Variants in RSPO4 observed in about 807,000 individuals in gnomAD.
RSPO4 encodes R-spondin 4.
In RSPO4, 23 loss-of-function variants were observed where a neutral mutation model predicts 24.8. The observed-to-expected ratio is 0.93, with a 90% CI of 0.67 to 1.31. The LOEUF is 1.31. Among genes scored for constraint, RSPO4 ranks in the 40% most tolerant of loss-of-function variants. RSPO4 has a pLI of 0.00. For synonymous variants in RSPO4, 141 were observed against 127.4 expected (o/e 1.11, Z -0.72); for missense variants, 333 against 316.5 (o/e 1.05, Z -0.39).
chr20:994,091 T>C (rs1039063923), intron 1 of RSPO4, among the ~76,000 whole-genome samples: 7 of 152,228 alleles, frequency 4.6e-5, no homozygotes, highest in African/African-American at 1.7e-4. Context: ...TGTCTGAAAT[T>C]GTTACATAAA....
Position 967,200 on chromosome 20 carries a change from G to T in RSPO4, c.383C>A (p.Ala128Asp). ...CTGGCACTCCCGTGTGTTCTGGTGG[G>T]CCAAAGTGCCCGGCGGGCAGGTGGG... ...CLPTCPPGTL[A>D]HQNTRECQGE... The change falls in exon 3 of 5, where the codon GCC becomes GAC. Residue 128 changes from alanine (A) to aspartate (D), a missense_variant. Ala to Asp is a moderately radical substitution (Grantham distance 126). Coordinates refer to ENST00000217260, the MANE Select transcript of RSPO4 (RefSeq NM_001029871.4). 6.2e-7 allele frequency: 1 copy of T among 1,613,982 alleles called. No homozygotes were observed. The highest frequency in any genetic ancestry group is 8.5e-7 in the Non-Finnish European group (1 of 1,180,014).
Position 967,269 on chromosome 20 carries a change from A to G in RSPO4, c.314T>C (p.Ile105Thr), listed in dbSNP as rs1227091044. The G allele has an allele frequency of 1.2e-6, 2 of 1,614,242 alleles. No individual in the cohort carries two copies. Among genetic ancestry groups the G allele is most frequent in the South Asian group, 2.2e-5 (2 of 91,084 alleles). The change falls in exon 3 of 5, where the codon ATC becomes ACC. Residue 105 changes from isoleucine (I) to threonine (T), a missense_variant. Coordinates refer to ENST00000217260, the MANE Select transcript of RSPO4 (RefSeq NM_001029871.4). ...CAAGTAAAACTGCCTCTTGCACCGGATGCAGAAGTCCTGGCTGAAGCAGCT... is the reference window on the plus strand; with the variant it reads ...CAAGTAAAACTGCCTCTTGCACCGGGTGCAGAAGTCCTGGCTGAAGCAGCT... ...CESCFSQDFCIRCKRQFYLYK... is the reference protein window; with the variant it reads ...CESCFSQDFCTRCKRQFYLYK...
intron 1 of RSPO4, among the ~76,000 whole-genome samples, chr20:977,467 G>A (rs1056157121): frequency 2.0e-5 from 3 of 152,172 alleles, no homozygotes; most frequent in Non-Finnish European, 2.9e-5. Context: ...GTGTGCTGTG[G>A]GGGCCTGGCA....
intron 1 of RSPO4, among the ~76,000 whole-genome samples, chr20:975,428 C>T (rs955685416): frequency 6.6e-6 from 1 of 152,166 alleles, no homozygotes; most frequent in Admixed American, 6.5e-5. Context: ...CTCCCATAAT[C>T]AAGACCATCC....
At chr20:974,934 G>C (rs1447070056) in intron 1 of RSPO4, among the ~76,000 whole-genome samples, 2 of 152,168 alleles carry the variant, frequency 1.3e-5, no homozygotes, top group Admixed American at 1.3e-4. Context: ...CAGAAGTAGA[G>C]AGAGAAAAAT....
At chr20:967,072 C>T (rs777740864) in intron 3 of RSPO4, 102 bp downstream of exon 3, 8 of 1,183,760 alleles carry the variant, frequency 6.8e-6, no homozygotes, top group Non-Finnish European at 9.5e-6. Context: ...CACCATATGG[C>T]ATTCTACTGT....
At chr20:989,833 C>G (rs1178673247) in intron 1 of RSPO4, among the ~76,000 whole-genome samples, 1 of 152,188 alleles carries the variant, frequency 6.6e-6, no homozygotes, top group East Asian at 1.9e-4. Flanking sequence ...CCTACCCCAC[C>G]CCCAGCTGGA....
Position 1,002,051 on chromosome 20 carries a change from C to T in RSPO4, c.79+35G>A, listed in dbSNP as rs1009225455. On this transcript the variant is annotated intron_variant, in intron 1 of 4. Coordinates refer to ENST00000217260, the MANE Select transcript of RSPO4 (RefSeq NM_001029871.4). The surrounding 1 kb of genome is among the most constrained non-coding windows in gnomAD (Gnocchi z 4.6). Reference sequence around the variant, plus strand: ...CCGGCCCCCGGTCTGCCCCGCAGCGCCTGCCCGGCCGCCCTGCCCAGCCAC... The same window carrying T: ...CCGGCCCCCGGTCTGCCCCGCAGCGTCTGCCCGGCCGCCCTGCCCAGCCAC... 9 of 1,530,734 alleles carry T rather than the reference C, an allele frequency of 5.9e-6. No individual in the cohort carries two copies. The East Asian group carries it at 1.2e-4, about 21-fold the overall frequency. The allele number at this position is 1,530,734 out of a possible 1,614,324, so 94.8% of individuals were successfully genotyped here. A position where few individuals can be genotyped will look rare whatever the true frequency, so the allele number is the denominator to read the frequency against.
chr20:992,104 C>G (rs1315580550), intron 1 of RSPO4, among the ~76,000 whole-genome samples: 2 of 152,092 alleles, frequency 1.3e-5, no homozygotes, highest in African/African-American at 4.8e-5. Flanking sequence ...GGGCAGAGGG[C>G]AGGAAGTCAG....
At chr20:1,001,044 G>A (rs561048099) in intron 1 of RSPO4, among the ~76,000 whole-genome samples, 1 of 152,316 alleles carries the variant, frequency 6.6e-6, no homozygotes, top group East Asian at 1.9e-4. Flanking sequence ...GCCAGGGCTG[G>A]AAAGAGAGAA....
intron 4 of RSPO4, 103 bp from the exon 5 acceptor site, chr20:960,569 A>C: frequency 2.5e-6 from 2 of 815,422 alleles, no homozygotes; most frequent in Non-Finnish European, 2.0e-6. Context: ...CCACTCCCCA[A>C]CAACGGGGCT....
At chr20:977,093 C>T (rs1482694229) in intron 1 of RSPO4, among the ~76,000 whole-genome samples, 1 of 152,214 alleles carries the variant, frequency 6.6e-6, no homozygotes, top group Non-Finnish European at 1.5e-5. Flanking sequence ...ACTTCACTCA[C>T]TCACAATAGA....
intron 3 of RSPO4, among the ~76,000 whole-genome samples, chr20:964,498 G>C (rs889798407): frequency 2.6e-5 from 4 of 151,948 alleles, no homozygotes; most frequent in African/African-American, 7.3e-5. Flanking sequence ...AGCCTGAGTT[G>C]GGAGTCAAGT....
In RSPO4 at chr20:986,806, T is replaced by C. The variant is rs144168758; in HGVS notation, c.79+15280A>G. On this transcript the variant is annotated intron_variant, in intron 1 of 4. Coordinates refer to ENST00000217260, the MANE Select transcript of RSPO4 (RefSeq NM_001029871.4). ...AAATCAATAAGAAAAAGGGGAATGA[T>C]CCAAGTGTGTGGAGGGAGAATGGGC... 6.6e-5 allele frequency among the ~76,000 whole-genome samples: 10 copies of C among 151,986 alleles called. No homozygotes were observed. In the East Asian group the frequency reaches 1.6e-3, roughly 24 times the overall value.
At chr20:992,907 C>A (rs897560040) in intron 1 of RSPO4, among the ~76,000 whole-genome samples, 1 of 152,222 alleles carries the variant, frequency 6.6e-6, no homozygotes, top group Non-Finnish European at 1.5e-5. Context: ...GGTCACTCAG[C>A]CAGTAAGTGG....
chr20:995,486 G>T (rs1453237260), intron 1 of RSPO4, among the ~76,000 whole-genome samples: 1 of 152,186 alleles, frequency 6.6e-6, no homozygotes, highest in African/African-American at 2.4e-5. Flanking sequence ...CGCCCTGGCC[G>T]AGCAGAGGTG....
rs1983940108 is a variant in RSPO4 at position 960,195 on chromosome 20, G to T, written c.*162C>A. The T allele has an allele frequency of 5.0e-6, 3 of 605,436 alleles. No homozygotes were observed. The highest frequency in any genetic ancestry group is 8.8e-6 in the Non-Finnish European group (3 of 340,532). The allele number at this position is 605,436 out of a possible 1,614,324, so 37.5% of individuals were successfully genotyped here. On this transcript the variant is annotated 3_prime_UTR_variant, in exon 5 of 5. Coordinates refer to ENST00000217260, the MANE Select transcript of RSPO4 (RefSeq NM_001029871.4). Reference sequence around the variant, plus strand: ...AAATAAAGGAAATAAAAAAGAAAAAGAAAGGGAAGGTAGACTGACAGAAAA... The same window carrying T: ...AAATAAAGGAAATAAAAAAGAAAAATAAAGGGAAGGTAGACTGACAGAAAA...
At chr20:994,279 A>G (rs1985203259) in intron 1 of RSPO4, among the ~76,000 whole-genome samples, 2 of 151,980 alleles carry the variant, frequency 1.3e-5, no homozygotes, top group Non-Finnish European at 2.9e-5. Context: ...GTAGGTGAGG[A>G]GTGTGCTCCC....
intron 3 of RSPO4, among the ~76,000 whole-genome samples, chr20:966,963 T>C (rs761946259): frequency 6.5e-4 from 99 of 152,346 alleles, no homozygotes; most frequent in Admixed American, 2.5e-3. Context: ...TTGGTTGTAG[T>C]AGTAATCATA....
Sources: gnomAD v4.1 joint callset for allele counts (sites outside exome capture counted in the v4.1 genomes callset) on GRCh38, gnomAD v4.1.1 for gene constraint, Gnocchi (gnomAD v3.1) non-coding constraint, MANE v1.5 for transcripts, NCBI Gene and HGNC (gene_info 2026-07-23, HGNC 2026-07-21) for gene names.